ZC3H8: variants seen among roughly 807,000 people sequenced by gnomAD.
ZC3H8 encodes zinc finger CCCH-type containing 8, also known as zinc finger CCCH domain-containing protein 8.
Under a neutral mutation model 42.5 loss-of-function variants are expected in ZC3H8, and 27 were observed. The ratio of observed to expected loss-of-function variants is 0.64; its 90% confidence interval spans 0.47 to 0.88. ZC3H8 has a LOEUF of 0.88. Among genes scored for constraint, ZC3H8 ranks in the 40% least tolerant of loss-of-function variants. The pLI is 0.00. For missense variants in ZC3H8, 277 were observed against 336.1 expected (o/e 0.82, Z 1.37); for synonymous variants, 101 against 110.1 (o/e 0.92, Z 0.52).
At chr2:112,233,107 A>T (rs551241722) in intron 6 of ZC3H8, 153 bp downstream of exon 6, 1 of 536,572 alleles carries the variant, frequency 1.9e-6, no homozygotes, top group East Asian at 3.5e-5. Context: ...CTTATGAAAA[A>T]ATCCACGTAC....
At chr2:112,228,278 G>T (rs1203346473) in intron 8 of ZC3H8, among the ~76,000 whole-genome samples, 1 of 152,176 alleles carries the variant, frequency 6.6e-6, no homozygotes, top group Non-Finnish European at 1.5e-5. Context: ...AAGGTGGGCA[G>T]ATCACCTGAG....
intron 2 of ZC3H8, among the ~76,000 whole-genome samples, chr2:112,240,988 C>T (rs115268816): frequency 0.097 from 12,970 of 133,944 alleles, 733 homozygotes; most frequent in Non-Finnish European, 0.14. Context: ...TGTGTGTGCG[C>T]GTGTGTATGT....
At chr2:112,223,416 A>G (rs1164160637) in intron 8 of ZC3H8, among the ~76,000 whole-genome samples, 2 of 152,210 alleles carry the variant, frequency 1.3e-5, no homozygotes, top group Admixed American at 6.5e-5. Flanking sequence ...AGCCATTAAA[A>G]AAAAGAAATG....
chr2:112,236,253 C>CA (rs1685328659), intron 4 of ZC3H8, among the ~76,000 whole-genome samples: 2 of 151,746 alleles, frequency 1.3e-5, no homozygotes, highest in Admixed American at 1.3e-4. Flanking sequence ...GACTCTGTCT[C>CA]AAAAAAATAT....
At chr2:112,235,835 T>G (rs1038922664) in intron 4 of ZC3H8, among the ~76,000 whole-genome samples, 5 of 151,268 alleles carry the variant, frequency 3.3e-5, no homozygotes, top group Non-Finnish European at 7.4e-5. Context: ...GGGACTTTAG[T>G]AGTAAAAAAT....
intron 1 of ZC3H8, among the ~76,000 whole-genome samples, chr2:112,254,619 G>T (rs1686062165): frequency 6.6e-6 from 1 of 152,222 alleles, no homozygotes; most frequent in Non-Finnish European, 1.5e-5. Flanking sequence ...TGCAGAGAAA[G>T]GGGCGCATCC....
At chr2:112,241,404 C>G (rs1685581488) in intron 2 of ZC3H8, among the ~76,000 whole-genome samples, 1 of 152,172 alleles carries the variant, frequency 6.6e-6, no homozygotes, top group Non-Finnish European at 1.5e-5. Context: ...ATCCTACTCA[C>G]CATAAAGCAG....
chr2:112,252,866 G>T (rs931813103), intron 1 of ZC3H8, among the ~76,000 whole-genome samples: 1 of 152,120 alleles, frequency 6.6e-6, no homozygotes, highest in Non-Finnish European at 1.5e-5. Context: ...CCTCCCAGCC[G>T]GGCGCGGTGG....
rs549116699 is a variant in ZC3H8 at position 112,231,074 on chromosome 2, TTAC to T, written c.844-127_844-125del. 76 of 594,272 alleles carry T rather than the reference TTAC, an allele frequency of 1.3e-4. No individual in the cohort carries two copies. The South Asian group carries it at 2.1e-3, about 17-fold the overall frequency. The allele number at this position is 594,272 out of a possible 1,614,324, so 36.8% of individuals were successfully genotyped here. A position where few individuals can be genotyped will look rare whatever the true frequency, so the allele number is the denominator to read the frequency against. ...CATCCTAATAATCATCTAATATTAT[TTAC>T]TACTACTACAGGAACTGAAAAACTT... On this transcript the variant is annotated intron_variant, in intron 7 of 8. Coordinates refer to ENST00000409573, the MANE Select transcript of ZC3H8 (RefSeq NM_032494.3).
intron 8 of ZC3H8, among the ~76,000 whole-genome samples, chr2:112,221,377 C>A (rs940220481): frequency 6.6e-6 from 1 of 152,146 alleles, no homozygotes; most frequent in Non-Finnish European, 1.5e-5. Context: ...GGCCATGCGA[C>A]ATGCTGGCTC....
chr2:112,214,953 T>C lies in ZC3H8; in HGVS notation c.*1531A>G, dbSNP rs907655876. 2.0e-5 allele frequency: 3 copies of C among 152,208 alleles called. No individual in the cohort carries two copies. Among genetic ancestry groups the C allele is most frequent in the African/African-American group, 7.2e-5 (3 of 41,456 alleles). 9.4% of individuals were successfully genotyped at this position (152,208 alleles called of 1,614,324 possible). On this transcript the variant is annotated 3_prime_UTR_variant, in exon 9 of 9. Coordinates refer to ENST00000409573, the MANE Select transcript of ZC3H8 (RefSeq NM_032494.3). ...TAAGAGGTTTTTAACCTACTCTATT[T>C]GACTTCTGAGTCCCTCAAATCTCTG... is the stretch of plus-strand genomic sequence containing the variant.
At chr2:112,221,764 T>C (rs577428754) in intron 8 of ZC3H8, among the ~76,000 whole-genome samples, 2 of 152,222 alleles carry the variant, frequency 1.3e-5, no homozygotes, top group South Asian at 4.1e-4. Flanking sequence ...ACCTCCTGTA[T>C]TGTTTTATTG....
At chr2:112,254,794 G>T in intron 1 of ZC3H8, 114 bp downstream of exon 1, 1 of 1,262,128 alleles carries the variant, frequency 7.9e-7, no homozygotes, top group Non-Finnish European at 1.1e-6. Flanking sequence ...GCTCCCCACG[G>T]GCCCTCGCGA....
At chr2:112,234,092 G>T in intron 5 of ZC3H8, 28 bp downstream of exon 5, 1 of 1,285,916 alleles carries the variant, frequency 7.8e-7, no homozygotes, top group Non-Finnish European at 1.1e-6. Context: ...TTACATTTTA[G>T]TAGATTTTTG....
At chr2:112,224,092 T>C (rs1167000507) in intron 8 of ZC3H8, among the ~76,000 whole-genome samples, 2 of 152,084 alleles carry the variant, frequency 1.3e-5, no homozygotes, top group African/African-American at 2.4e-5. Context: ...TGAGCTGAGA[T>C]AGATAATGCC....
intron 6 of ZC3H8, among the ~76,000 whole-genome samples, 160 bp from the exon 7 acceptor site, chr2:112,232,107 C>T (rs901585444): frequency 1.3e-5 from 2 of 152,058 alleles, no homozygotes; most frequent in Admixed American, 1.3e-4. Flanking sequence ...GCCAGGAGTT[C>T]AAGACCAACC....
rs1455328113 is a variant in ZC3H8, at chr2:112,212,580, G to GTA, written c.*3903_*3904insTA. 2 of 152,228 alleles carry GTA rather than the reference G, an allele frequency of 1.3e-5. No homozygotes were observed. Among genetic ancestry groups the GTA allele is most frequent in the African/African-American group, 4.8e-5 (2 of 41,528 alleles). The allele number at this position is 152,228 out of a possible 1,614,324, so 9.4% of individuals were successfully genotyped here. On this transcript the variant is annotated 3_prime_UTR_variant, in exon 9 of 9. Coordinates refer to ENST00000409573, the MANE Select transcript of ZC3H8 (RefSeq NM_032494.3). ...CAATAATGAAAATATATTATTTCAG[G>GTA]TGGTATGACATGAAATCTGAAGGTG...
intron 2 of ZC3H8, among the ~76,000 whole-genome samples, chr2:112,242,672 T>C (rs1433841883): frequency 6.6e-6 from 1 of 152,208 alleles, no homozygotes; most frequent in Non-Finnish European, 1.5e-5. Flanking sequence ...AATACTACAG[T>C]AGTGCTAAAA....
intron 1 of ZC3H8, among the ~76,000 whole-genome samples, chr2:112,254,404 C>T (rs1686055374): frequency 6.6e-6 from 1 of 152,218 alleles, no homozygotes. Context: ...CCATGCAAAT[C>T]AGTGGACTAA....
Sources: allele counts gnomAD v4.1 joint callset (sites outside exome capture counted in the v4.1 genomes callset), GRCh38; gene constraint gnomAD v4.1.1; transcripts MANE v1.5; gene names NCBI Gene and HGNC (gene_info 2026-07-23, HGNC 2026-07-21).